UNC5D: variants seen among roughly 807,000 people sequenced by gnomAD.
UNC5D encodes the protein unc-5 netrin receptor D.
A neutral mutation model predicts 105.4 loss-of-function variants in UNC5D; 39 were observed. The ratio of observed to expected loss-of-function variants is 0.37; its 90% CI spans 0.29 to 0.48. UNC5D has a LOEUF of 0.48. UNC5D is among the 20% of genes least tolerant of loss of function. The probability of loss-of-function intolerance (pLI) is 0.98; values close to 1 mark genes in which losing one functional copy is unlikely to be tolerated. For synonymous variants in UNC5D, 452 were observed against 450.4 expected (o/e 1.00, Z -0.04); for missense variants, 991 against 1,202.4 (o/e 0.82, Z 2.60).
chr8:35,540,180 A>C (rs1311297716), intron 1 of UNC5D, among the ~76,000 whole-genome samples: 3 of 152,184 alleles, frequency 2.0e-5, no homozygotes, highest in Non-Finnish European at 2.9e-5. Context: ...TTCATACACA[A>C]ATGTATCCAT....
intron 1 of UNC5D, among the ~76,000 whole-genome samples, chr8:35,441,694 G>T (rs1020832724): frequency 6.6e-6 from 1 of 151,694 alleles, no homozygotes; most frequent in Non-Finnish European, 1.5e-5. Flanking sequence ...TGAAACTGAA[G>T]TATAAAATAA....
chr8:35,510,310 C>CAA (rs11317897), intron 1 of UNC5D, among the ~76,000 whole-genome samples: 183 of 71,414 alleles, frequency 2.6e-3, no homozygotes, highest in East Asian at 4.1e-3. Context: ...TTTTTATATC[C>CAA]AAAAAAAAAA....
Position 35,587,680 on chromosome 8 carries a change from C to T in UNC5D, c.467-7874C>T, listed in dbSNP as rs147049939. On this transcript the variant is annotated intron_variant, in intron 3 of 16. Coordinates refer to ENST00000404895, the MANE Select transcript of UNC5D (RefSeq NM_080872.4). ...CTTCCTTGCTTCCTTCTTTGATAGA[C>T]ATCGTAGGAGTGAAACTTGGTACAA... is the stretch of plus-strand genomic sequence containing the variant. Among the ~76,000 whole-genome samples the T allele has an allele frequency of 2.0e-5, 3 of 152,072 alleles. No individual in the cohort carries two copies. In the East Asian group the frequency reaches 5.8e-4, roughly 30 times the overall value.
intron 1 of UNC5D, among the ~76,000 whole-genome samples, chr8:35,272,041 C>A (rs2128837079): frequency 6.6e-6 from 1 of 151,890 alleles, no homozygotes; most frequent in Admixed American, 6.6e-5. Flanking sequence ...TCATTCTACC[C>A]ACCACTAAAA....
At chr8:35,618,516 A>C (rs1821166139) in intron 4 of UNC5D, among the ~76,000 whole-genome samples, 1 of 152,194 alleles carries the variant, frequency 6.6e-6, no homozygotes, top group Non-Finnish European at 1.5e-5. Context: ...ACTAGATTTT[A>C]TTTATATGGC....
At chr8:35,619,534 T>C (rs552766802) in intron 4 of UNC5D, among the ~76,000 whole-genome samples, 1 of 152,340 alleles carries the variant, frequency 6.6e-6, no homozygotes, top group Non-Finnish European at 1.5e-5. Context: ...AGGGAGCCAT[T>C]GAGCGACTTG....
chr8:35,600,802 A>G (rs1295545912), intron 4 of UNC5D, among the ~76,000 whole-genome samples: 1 of 152,072 alleles, frequency 6.6e-6, no homozygotes, highest in Non-Finnish European at 1.5e-5. Context: ...TCTTTAGTTT[A>G]ATTAGATCCC....
At chr8:35,607,660 A>G (rs1174004063) in intron 4 of UNC5D, among the ~76,000 whole-genome samples, 1 of 152,070 alleles carries the variant, frequency 6.6e-6, no homozygotes, top group Non-Finnish European at 1.5e-5. Context: ...CACGATATTT[A>G]ATAGTTTTAT....
chr8:35,451,629 A>G (rs566199728), intron 1 of UNC5D, among the ~76,000 whole-genome samples: 1 of 152,216 alleles, frequency 6.6e-6, no homozygotes, highest in Non-Finnish European at 1.5e-5. Flanking sequence ...TTCTTAAACA[A>G]TATGCTGTGT....
intron 1 of UNC5D, among the ~76,000 whole-genome samples, chr8:35,385,397 G>A (rs1282352780): frequency 6.6e-6 from 1 of 151,458 alleles, no homozygotes; most frequent in Non-Finnish European, 1.5e-5. Context: ...TCTCATAATG[G>A]GGATGGTTAC....
At chr8:35,494,294 G>A (rs1484820764) in intron 1 of UNC5D, among the ~76,000 whole-genome samples, 1 of 151,976 alleles carries the variant, frequency 6.6e-6, no homozygotes, top group Non-Finnish European at 1.5e-5. Context: ...AATCCAAAAT[G>A]TTTCTAAATA....
At chr8:35,263,391 AT>A (rs1402120808) in intron 1 of UNC5D, among the ~76,000 whole-genome samples, 10 of 151,868 alleles carry the variant, frequency 6.6e-5, no homozygotes, top group African/African-American at 2.2e-4. Context: ...ATAAATTGTT[AT>A]TTTTCTTAAT....
chr8:35,405,043 T>C lies in UNC5D; in HGVS notation c.104-144249T>C, dbSNP rs1024446110. Among the ~76,000 whole-genome samples, 15 of 152,314 alleles carry C rather than the reference T, an allele frequency of 9.8e-5. 1 individual carries two copies. The highest frequency in any genetic ancestry group is 3.1e-4 in the African/African-American group (13 of 41,568). On this transcript the variant is annotated intron_variant, in intron 1 of 16. Coordinates refer to ENST00000404895, the MANE Select transcript of UNC5D (RefSeq NM_080872.4). ...CTACCTCACTATTAGTGCACATATTTAAAAAATATATTTGGATGTATTTAT... is the reference window on the plus strand; with the variant it reads ...CTACCTCACTATTAGTGCACATATTCAAAAAATATATTTGGATGTATTTAT...
At chr8:35,666,167 T>C (rs1824410156) in intron 4 of UNC5D, among the ~76,000 whole-genome samples, 1 of 150,634 alleles carries the variant, frequency 6.6e-6, no homozygotes, top group South Asian at 2.1e-4. Flanking sequence ...GGAATTTAAT[T>C]TTTTTTTTGT....
intron 13 of UNC5D, among the ~76,000 whole-genome samples, chr8:35,751,617 A>C (rs941157367): frequency 1.3e-5 from 2 of 152,078 alleles, no homozygotes; most frequent in East Asian, 3.9e-4. Flanking sequence ...CACTGTAATA[A>C]TTTTCTGTTA....
At chr8:35,607,635 TAGTG>T (rs769754537) in intron 4 of UNC5D, among the ~76,000 whole-genome samples, 1 of 152,166 alleles carries the variant, frequency 6.6e-6, no homozygotes, top group African/African-American at 2.4e-5. Flanking sequence ...GGTCTCATGA[TAGTG>T]AGTGAGTTCT....
intron 1 of UNC5D, among the ~76,000 whole-genome samples, chr8:35,314,658 T>C (rs1809149237): frequency 6.6e-6 from 1 of 152,194 alleles, no homozygotes; most frequent in South Asian, 2.1e-4. Context: ...TTTCGAACCT[T>C]CAAACATAAA....
intron 1 of UNC5D, among the ~76,000 whole-genome samples, chr8:35,540,652 G>T (rs1006174395): frequency 2.0e-5 from 3 of 152,114 alleles, no homozygotes; most frequent in African/African-American, 7.2e-5. Flanking sequence ...AGGTGTCTCA[G>T]GTTAAATCAC....
chr8:35,556,898 A>G (rs1273974529), intron 2 of UNC5D, among the ~76,000 whole-genome samples: 2 of 152,138 alleles, frequency 1.3e-5, no homozygotes. Context: ...CCTCACTCAA[A>G]ATGGAGTTGC....
Sources: allele counts gnomAD v4.1 joint callset (sites outside exome capture counted in the v4.1 genomes callset), GRCh38; gene constraint gnomAD v4.1.1; transcripts MANE v1.5; gene names NCBI Gene and HGNC (gene_info 2026-07-23, HGNC 2026-07-21).